PLPP1: variants seen among roughly 807,000 people sequenced by gnomAD.
The protein encoded by PLPP1 is phospholipid phosphatase 1, also known as lipid phosphate phosphohydrolase 1a.
Under a neutral mutation model 31.2 loss-of-function variants are expected in PLPP1, and 24 were observed. That is an observed-to-expected ratio of 0.77 (90% confidence interval 0.56 to 1.08). PLPP1 has a LOEUF of 1.08. PLPP1 is among the 50% of genes least tolerant of loss of function. The pLI, the probability that PLPP1 is intolerant of heterozygous loss-of-function variation, is 0.00. For missense variants in PLPP1, 319 were observed against 342.7 expected (o/e 0.93, Z 0.55); for synonymous variants, 146 against 126.3 (o/e 1.16, Z -1.05).
intron 1 of PLPP1, among the ~76,000 whole-genome samples, chr5:55,499,015 G>A (rs1027480439): frequency 6.6e-6 from 1 of 152,164 alleles, no homozygotes; most frequent in Non-Finnish European, 1.5e-5. Context: ...AGAAGTTGAG[G>A]CCCCAATTGC....
chr5:55,471,051 T>C (rs531591343), intron 2 of PLPP1, among the ~76,000 whole-genome samples: 37 of 152,290 alleles, frequency 2.4e-4, no homozygotes, highest in African/African-American at 8.9e-4. Context: ...TTTTGTGTCT[T>C]TCATTCAGGG....
At chr5:55,498,781 T>C (rs950813061) in intron 1 of PLPP1, among the ~76,000 whole-genome samples, 1 of 151,936 alleles carries the variant, frequency 6.6e-6, no homozygotes, top group African/African-American at 2.4e-5. Context: ...CTAGCAACTC[T>C]TTCTCACGCT....
At chr5:55,426,112 G>A in intron 4 of PLPP1, 73 bp from the exon 5 acceptor site, 1 of 1,315,512 alleles carries the variant, frequency 7.6e-7, no homozygotes. Flanking sequence ...GGAAGGGTTG[G>A]CATTTGAAAT....
chr5:55,443,212 T>TATATATATATATATATATATATATATAC (rs1169152710), intron 3 of PLPP1, among the ~76,000 whole-genome samples: 11 of 104,984 alleles, frequency 1.0e-4, no homozygotes, highest in Non-Finnish European at 1.5e-4. Flanking sequence ...TATATATATA[T>TATATATATATATATATATATATATATAC]ACACACACAC....
chr5:55,455,383 G>A (rs530807094), intron 3 of PLPP1, among the ~76,000 whole-genome samples: 1 of 152,168 alleles, frequency 6.6e-6, no homozygotes, highest in South Asian at 2.1e-4. Context: ...CTTGAGCCCA[G>A]GTGTTTAAGA....
chr5:55,499,399 ACT>A (rs1415052329), intron 1 of PLPP1, among the ~76,000 whole-genome samples: 1 of 152,206 alleles, frequency 6.6e-6, no homozygotes, highest in African/African-American at 2.4e-5. Flanking sequence ...TATACTATGC[ACT>A]CTCAGTAAAA....
At chr5:55,460,080 G>C (rs1752117847) in intron 3 of PLPP1, among the ~76,000 whole-genome samples, 1 of 152,120 alleles carries the variant, frequency 6.6e-6, no homozygotes, top group Non-Finnish European at 1.5e-5. Flanking sequence ...GTCGACAGTA[G>C]GCTATTTGTA....
At chr5:55,487,646 T>G (rs768387245) in intron 1 of PLPP1, among the ~76,000 whole-genome samples, 1 of 152,140 alleles carries the variant, frequency 6.6e-6, no homozygotes, top group African/African-American at 2.4e-5. Flanking sequence ...GCACATTATA[T>G]GAAAGTTATG....
chr5:55,500,841 G>T (rs560914432), intron 1 of PLPP1, among the ~76,000 whole-genome samples: 3 of 152,302 alleles, frequency 2.0e-5, no homozygotes, highest in Admixed American at 2.0e-4. Flanking sequence ...AAAGGTGTTT[G>T]AGATGCTCTA....
At chr5:55,461,489 T>C (rs895237437) in intron 3 of PLPP1, among the ~76,000 whole-genome samples, 3 of 151,820 alleles carry the variant, frequency 2.0e-5, no homozygotes, top group Non-Finnish European at 4.4e-5. Flanking sequence ...ATATACTATA[T>C]TAGAGAATAA....
chr5:55,534,438 G>A, intron 1 of PLPP1, 134 bp downstream of exon 1: 1 of 968,906 alleles, frequency 1.0e-6, no homozygotes, highest in South Asian at 2.0e-5. Context: ...CTCGGCTGCA[G>A]AAGCCGCCCC....
In PLPP1 at chr5:55,428,818, C is replaced by G. The variant is rs1751272266; in HGVS notation, c.550-2779G>C. ...ATTTGCCAACCTTATCTATTAAACC[C>G]ATTCTAGGTAAGGCATTCAGTTAGT... On this transcript the variant is annotated intron_variant, in intron 4 of 5. Coordinates refer to ENST00000307259, the MANE Select transcript of PLPP1 (RefSeq NM_003711.4). Among the ~76,000 whole-genome samples, 2 of 152,190 alleles carry G rather than the reference C, an allele frequency of 1.3e-5. 1 individual carries two copies. Among genetic ancestry groups the G allele is most frequent in the South Asian group, 4.1e-4 (2 of 4,834 alleles).
intron 3 of PLPP1, among the ~76,000 whole-genome samples, chr5:55,454,877 G>C (rs953043087): frequency 6.6e-6 from 1 of 152,110 alleles, no homozygotes; most frequent in Admixed American, 6.6e-5. Flanking sequence ...TCTACAATTA[G>C]ACCATATTCT....
chr5:55,455,708 G>A (rs1751991200), intron 3 of PLPP1, among the ~76,000 whole-genome samples: 1 of 152,198 alleles, frequency 6.6e-6, no homozygotes, highest in African/African-American at 2.4e-5. Flanking sequence ...GTATCCTGAA[G>A]TAGATGTCAT....
At chr5:55,513,019 G>A (rs1753472687) in intron 1 of PLPP1, among the ~76,000 whole-genome samples, 1 of 152,074 alleles carries the variant, frequency 6.6e-6, no homozygotes, top group Admixed American at 6.6e-5. Context: ...GTTTTGTCCG[G>A]GTATTATTTA....
intron 1 of PLPP1, among the ~76,000 whole-genome samples, chr5:55,513,880 T>A (rs902423114): frequency 3.7e-4 from 56 of 152,118 alleles, no homozygotes; most frequent in Admixed American, 3.7e-3. Context: ...GAGCCATGTT[T>A]GTGCCACTGC....
intron 4 of PLPP1, among the ~76,000 whole-genome samples, chr5:55,427,576 C>T (rs1751237380): frequency 6.6e-6 from 1 of 152,164 alleles, no homozygotes; most frequent in South Asian, 2.1e-4. Context: ...AGAGCTAGGA[C>T]TCCAAGGTCT....
intron 4 of PLPP1, among the ~76,000 whole-genome samples, chr5:55,434,282 G>C (rs1360115264): frequency 6.6e-6 from 1 of 151,990 alleles, no homozygotes; most frequent in Non-Finnish European, 1.5e-5. Context: ...AAATGCAGAA[G>C]ACAGAAACAG....
chr5:55,526,235 C>A (rs1740428529), intron 1 of PLPP1, among the ~76,000 whole-genome samples: 1 of 152,132 alleles, frequency 6.6e-6, no homozygotes, highest in Non-Finnish European at 1.5e-5. Context: ...AGATCCATAG[C>A]ACATTCTTGA....
Sources: gnomAD v4.1 joint callset for allele counts (sites outside exome capture counted in the v4.1 genomes callset) on GRCh38, gnomAD v4.1.1 for gene constraint, MANE v1.5 for transcripts, NCBI Gene and HGNC (gene_info 2026-07-23, HGNC 2026-07-21) for gene names.